Variants in ATRNL1 observed in about 807,000 individuals in gnomAD.
The protein encoded by ATRNL1 is attractin-like protein 1.
Under a neutral mutation model 182.7 loss-of-function variants are expected in ATRNL1, and 95 were observed. That is an observed-to-expected ratio of 0.52 (90% CI 0.44 to 0.62). The LOEUF (loss-of-function observed/expected upper bound fraction) is 0.62. ATRNL1 is among the 20% of genes least tolerant of loss of function. The pLI, the probability that ATRNL1 is intolerant of heterozygous loss-of-function variation, is 0.00. For synonymous variants in ATRNL1, 576 were observed against 568.3 expected (o/e 1.01, Z -0.19); for missense variants, 1,471 against 1,679.5 (o/e 0.88, Z 2.17).
chr10:115,100,792 T>C (rs1554864408), intron 1 of ATRNL1, among the ~76,000 whole-genome samples: 1 of 152,186 alleles, frequency 6.6e-6, no homozygotes, highest in East Asian at 1.9e-4. Flanking sequence ...AGGATTTTGT[T>C]TGTAATTATG....
At chr10:115,705,923 T>G (rs565800490) in intron 26 of ATRNL1, among the ~76,000 whole-genome samples, 2 of 152,096 alleles carry the variant, frequency 1.3e-5, no homozygotes, top group South Asian at 2.1e-4. Flanking sequence ...ATGGTCATAT[T>G]TAGTATCTAA....
chr10:115,826,217 CTG>C (rs774335668), intron 27 of ATRNL1, among the ~76,000 whole-genome samples: 14 of 151,218 alleles, frequency 9.3e-5, no homozygotes, highest in Non-Finnish European at 1.8e-4. Context: ...TTTTTCAAAT[CTG>C]TTTCCCTCTG....
intron 26 of ATRNL1, among the ~76,000 whole-genome samples, chr10:115,717,279 C>A (rs1184443761): frequency 6.6e-6 from 1 of 152,064 alleles, no homozygotes; most frequent in Non-Finnish European, 1.5e-5. Flanking sequence ...ATTCTAACAC[C>A]ATAGGAATGG....
At chr10:115,362,268 A>C (rs1033139585) in intron 19 of ATRNL1, among the ~76,000 whole-genome samples, 17 of 152,228 alleles carry the variant, frequency 1.1e-4, no homozygotes, top group African/African-American at 4.1e-4. Context: ...CTATAAATTG[A>C]TGAAAATTTG....
intron 26 of ATRNL1, among the ~76,000 whole-genome samples, chr10:115,558,588 T>C (rs782254688): frequency 5.9e-5 from 9 of 152,010 alleles, no homozygotes; most frequent in Non-Finnish European, 2.9e-5. Context: ...TTCTTTTTGG[T>C]TTAGTTTTAG....
intron 19 of ATRNL1, among the ~76,000 whole-genome samples, chr10:115,369,544 A>G (rs1460623953): frequency 1.3e-5 from 2 of 152,292 alleles, no homozygotes; most frequent in African/African-American, 2.4e-5. Context: ...GGGAGTGCAT[A>G]TATCTCTTTG....
chr10:115,378,926 T>C (rs1857828106), intron 19 of ATRNL1, among the ~76,000 whole-genome samples: 2 of 152,156 alleles, frequency 1.3e-5, no homozygotes, highest in Non-Finnish European at 2.9e-5. Flanking sequence ...TTGATGATGA[T>C]GCAAGCAAGG....
intron 24 of ATRNL1, among the ~76,000 whole-genome samples, chr10:115,511,145 A>G (rs1239067650): frequency 1.3e-5 from 2 of 151,654 alleles, no homozygotes; most frequent in East Asian, 3.9e-4. Flanking sequence ...ACAATTGTCT[A>G]TTTTCTGTGT....
intron 27 of ATRNL1, among the ~76,000 whole-genome samples, chr10:115,773,876 A>G (rs1308975086): frequency 6.6e-6 from 1 of 152,196 alleles, no homozygotes; most frequent in Non-Finnish European, 1.5e-5. Context: ...ACTAAATTTA[A>G]CTATTTGTTC....
rs189954689 is a variant in ATRNL1 at position 115,932,737 on chromosome 10, G to A, written c.4019-11921G>A. Reference sequence around the variant, plus strand: ...AAACTTTTAAAAATATTGACTGCTAGGAACTTAAGAGAGCAGAAATATCAC... The same window carrying A: ...AAACTTTTAAAAATATTGACTGCTAAGAACTTAAGAGAGCAGAAATATCAC... On this transcript the variant is annotated intron_variant, in intron 28 of 28. Coordinates refer to ENST00000355044, the MANE Select transcript of ATRNL1 (RefSeq NM_207303.4). 7.8e-3 allele frequency among the ~76,000 whole-genome samples: 1,193 copies of A among 152,174 alleles called. 16 individuals are homozygous for A. Among genetic ancestry groups the A allele is most frequent in the Middle Eastern group, 0.01 (3 of 294 alleles).
intron 26 of ATRNL1, among the ~76,000 whole-genome samples, chr10:115,584,079 C>G (rs1280771166): frequency 6.6e-6 from 1 of 151,872 alleles, no homozygotes; most frequent in Admixed American, 6.6e-5. Context: ...ATTCAACCAG[C>G]CTTGCATCCC....
At chr10:115,807,640 G>A (rs1555085948) in intron 27 of ATRNL1, among the ~76,000 whole-genome samples, 1 of 152,158 alleles carries the variant, frequency 6.6e-6, no homozygotes, top group African/African-American at 2.4e-5. Context: ...TTCAGAATGT[G>A]GTTGCCTTTT....
At chr10:115,513,046 G>GT (rs578018371) in intron 24 of ATRNL1, among the ~76,000 whole-genome samples, 15 of 151,946 alleles carry the variant, frequency 9.9e-5, no homozygotes, top group Non-Finnish European at 1.9e-4. Flanking sequence ...TTTGCGATTT[G>GT]TTTTTTTGTT....
chr10:115,597,665 T>C (rs782619361), intron 26 of ATRNL1: 9 of 445,058 alleles, frequency 2.0e-5, no homozygotes, highest in African/African-American at 4.2e-5. Context: ...CTCCGCATCC[T>C]GGGTCAAGCA....
At chr10:115,506,527 A>C (rs540907749) in intron 24 of ATRNL1, among the ~76,000 whole-genome samples, 1 of 152,182 alleles carries the variant, frequency 6.6e-6, no homozygotes, top group East Asian at 1.9e-4. Context: ...TGGAAAAAAA[A>C]CTAAAAAACA....
At chr10:115,397,177 A>T (rs1554955830) in intron 20 of ATRNL1, among the ~76,000 whole-genome samples, 1 of 151,942 alleles carries the variant, frequency 6.6e-6, no homozygotes, top group African/African-American at 2.4e-5. Context: ...CAAATCAGTA[A>T]ACAATTATTA....
intron 1 of ATRNL1, among the ~76,000 whole-genome samples, chr10:115,108,470 T>G (rs1477099164): frequency 1.3e-5 from 2 of 151,930 alleles, no homozygotes; most frequent in Non-Finnish European, 2.9e-5. Context: ...ATGTGCCGAG[T>G]TTTATAGTCC....
In ATRNL1 at chr10:115,286,403, A is replaced by G; in HGVS notation, c.2415+6A>G. On this transcript the variant is annotated splice_donor_region_variant and intron_variant, in intron 15 of 28. Transcript: ENST00000355044. ...TACAGAAGTATACACAACAGGTAAC[A>G]TTTCTACTTGTTTACATTATGGAAA... The G allele has an allele frequency of 4.0e-6, 6 of 1,482,918 alleles. No homozygotes were observed. Among genetic ancestry groups the G allele is most frequent in the Non-Finnish European group, 3.6e-6 (4 of 1,103,790 alleles). 91.9% of individuals were successfully genotyped at this position (1,482,918 alleles called of 1,614,324 possible). A position where few individuals can be genotyped will look rare whatever the true frequency, so the allele number is the denominator to read the frequency against.
intron 5 of ATRNL1, among the ~76,000 whole-genome samples, chr10:115,145,508 A>G (rs1214817201): frequency 6.6e-6 from 1 of 152,144 alleles, no homozygotes; most frequent in African/African-American, 2.4e-5. Context: ...AAATTAACAG[A>G]TTGTCAGAAT....
Sources: allele counts gnomAD v4.1 joint callset (sites outside exome capture counted in the v4.1 genomes callset), GRCh38; gene constraint gnomAD v4.1.1; transcripts MANE v1.5; gene names NCBI Gene and HGNC (gene_info 2026-07-23, HGNC 2026-07-21).